The following DNAH14 variants were observed in gnomAD, a reference collection of about 807,000 sequenced individuals.
DNAH14 encodes the protein axonemal beta dynein heavy chain 14.
Under a neutral mutation model 520.9 loss-of-function variants are expected in DNAH14, and 478 were observed. That is an observed-to-expected ratio of 0.92 (90% CI 0.85 to 0.99). The LOEUF (loss-of-function observed/expected upper bound fraction) is 0.99, where lower values mean the gene tolerates loss of function less well. Ranked by LOEUF, DNAH14 falls within the 50% of genes least tolerant of loss-of-function variation. DNAH14 has a pLI of 0.00. For synonymous variants in DNAH14, 1,581 were observed against 1,757.2 expected (o/e 0.90, Z 2.51); for missense variants, 4,831 against 5,234.5 (o/e 0.92, Z 2.38).
chr1:225,234,107 A>T (rs1218645335), intron 42 of DNAH14, among the ~76,000 whole-genome samples: 1 of 151,916 alleles, frequency 6.6e-6, no homozygotes, highest in South Asian at 2.1e-4. Flanking sequence ...TAGATGTACA[A>T]TCTTATTTCT....
chr1:225,013,195 T>A (rs1435031113), intron 10 of DNAH14, among the ~76,000 whole-genome samples: 5 of 152,124 alleles, frequency 3.3e-5, no homozygotes, highest in Non-Finnish European at 7.4e-5. Context: ...GCTTTCTGTT[T>A]GTTAGTTTTG....
intron 36 of DNAH14, among the ~76,000 whole-genome samples, chr1:225,175,970 G>C (rs190633436): frequency 1.3e-5 from 2 of 152,090 alleles, no homozygotes; most frequent in East Asian, 3.9e-4. Flanking sequence ...TGCCCAGACT[G>C]GTCTTGAACT....
At chr1:225,159,098 T>C (rs1011395740) in intron 34 of DNAH14, among the ~76,000 whole-genome samples, 5 of 152,214 alleles carry the variant, frequency 3.3e-5, no homozygotes, top group African/African-American at 9.6e-5. Context: ...GTCTGGGGAT[T>C]GGTGTTGCTC....
intron 17 of DNAH14, among the ~76,000 whole-genome samples, chr1:225,056,074 C>T (rs35417524): frequency 0.14 from 21,826 of 151,724 alleles, 2,677 homozygotes; most frequent in East Asian, 0.54. Context: ...CTGGGTCAAA[C>T]GGTATTTCTA....
intron 23 of DNAH14, among the ~76,000 whole-genome samples, chr1:225,109,681 T>C (rs889534675): frequency 6.6e-6 from 1 of 152,154 alleles, no homozygotes; most frequent in Non-Finnish European, 1.5e-5. Context: ...CTTTTCCAAC[T>C]TGGATGCCCT....
intron 43 of DNAH14, among the ~76,000 whole-genome samples, chr1:225,243,472 AC>A (rs918162179): frequency 1.2e-4 from 18 of 152,108 alleles, no homozygotes. Context: ...AAGGAAATAT[AC>A]CACCAAAATG....
chr1:225,176,144 G>A (rs551025527), intron 36 of DNAH14, among the ~76,000 whole-genome samples: 1 of 152,112 alleles, frequency 6.6e-6, no homozygotes, highest in South Asian at 2.1e-4. Flanking sequence ...TAGGTATGTG[G>A]TGTTTCCATT....
Position 224,967,466 on chromosome 1 carries a change from C to T in DNAH14, c.534C>T (p.Cys178=). ...PLEDDGEFVY[C]LPRKSPKSLY... ...AAGATGATGGAGAATTTGTTTATTG[C>T]CTTCCTCGGAAAAGTCCTAAATCCC... The change falls in exon 6 of 86, where the codon TGC becomes TGT. Residue 178 remains cysteine, a synonymous_variant. Coordinates refer to ENST00000682510, the MANE Select transcript of DNAH14 (RefSeq NM_001367479.1). The T allele has an allele frequency of 1.3e-6, 2 of 1,571,790 alleles. No homozygotes were observed. The highest frequency in any genetic ancestry group is 8.6e-7 in the Non-Finnish European group (1 of 1,163,266).
At chr1:225,116,710 CA>C (rs1405316962) in intron 23 of DNAH14, among the ~76,000 whole-genome samples, 1 of 152,028 alleles carries the variant, frequency 6.6e-6, no homozygotes, top group African/African-American at 2.4e-5. Flanking sequence ...TGTATGGGTC[CA>C]AGAGGGACTT....
At chr1:224,969,018 C>A (rs1572129473) in intron 7 of DNAH14, 144 bp downstream of exon 7, 1 of 528,462 alleles carries the variant, frequency 1.9e-6, no homozygotes, top group Non-Finnish European at 3.3e-6. Flanking sequence ...TACGGAACAC[C>A]CCATTTCCTC....
intron 21 of DNAH14, among the ~76,000 whole-genome samples, chr1:225,086,122 A>T (rs1241838554): frequency 6.6e-6 from 1 of 150,636 alleles, no homozygotes; most frequent in Non-Finnish European, 1.5e-5. Context: ...TACACCTAAT[A>T]ATAATAATAA....
At chr1:225,004,378 A>G (rs779520808) in intron 9 of DNAH14, among the ~76,000 whole-genome samples, 1 of 152,186 alleles carries the variant, frequency 6.6e-6, no homozygotes, top group Non-Finnish European at 1.5e-5. Context: ...GGAGGCAGAG[A>G]TTAGCCTTAT....
chr1:225,398,589 G>C lies in DNAH14; in HGVS notation c.13561G>C (p.Glu4521Gln). Residue 4521 changes from glutamate to glutamine, a missense_variant, in exon 85 of 86, where the codon GAA (glutamate) becomes CAA (glutamine). Glu to Gln is a conservative substitution (Grantham distance 29, BLOSUM62 2). Coordinates refer to ENST00000682510, the MANE Select transcript of DNAH14 (RefSeq NM_001367479.1). ...CATCGAGGGGGCAAGATGGAATCGT[G>C]AACAGAAAATACTGGAAGACTCGCT... ...LFIEGARWNR[E>Q]QKILEDSLPL... The C allele has an allele frequency of 1.9e-6, 3 of 1,551,702 alleles. No individual in the cohort carries two copies. The highest frequency in any genetic ancestry group is 2.6e-6 in the Non-Finnish European group (3 of 1,146,986).
chr1:225,201,017 A>G (rs2086755253), intron 38 of DNAH14, among the ~76,000 whole-genome samples: 1 of 151,876 alleles, frequency 6.6e-6, no homozygotes, highest in African/African-American at 2.4e-5. Context: ...GTCATTTAAC[A>G]TAATCCCAGA....
Position 225,252,349 on chromosome 1 carries a change from A to G in DNAH14, c.6797A>G (p.Asp2266Gly). 1 of 1,550,162 alleles carries G rather than the reference A, an allele frequency of 6.5e-7. No individual in the cohort carries two copies. Among genetic ancestry groups the G allele is most frequent in the Non-Finnish European group, 8.7e-7 (1 of 1,146,104 alleles). Residue 2266 changes from aspartate (D) to glycine (G), a missense_variant, in exon 44 of 86, where the codon GAT (aspartate) becomes GGT (glycine). Coordinates refer to ENST00000682510, the MANE Select transcript of DNAH14 (RefSeq NM_001367479.1). ...GECSIFGYFV[D>G]IEQCEFIPWS... ...TGTTCCATCTTTGGATATTTTGTGG[A>G]TATAGAGCAATGTGAATTCATACCT...
intron 55 of DNAH14, among the ~76,000 whole-genome samples, chr1:225,291,899 G>T (rs556623768): frequency 3.9e-5 from 6 of 152,058 alleles, no homozygotes; most frequent in Middle Eastern, 3.4e-3. Context: ...CACATCATTT[G>T]CCCATTTTTT....
chr1:225,101,323 A>G (rs1428598188), intron 23 of DNAH14, among the ~76,000 whole-genome samples: 2 of 152,148 alleles, frequency 1.3e-5, no homozygotes, highest in Non-Finnish European at 2.9e-5. Context: ...AGGTAAACGT[A>G]TCCGTAGCCT....
chr1:225,061,989 TAAATA>T (rs1038496497), intron 17 of DNAH14, among the ~76,000 whole-genome samples: 9 of 152,196 alleles, frequency 5.9e-5, no homozygotes, highest in Admixed American at 3.3e-4. Flanking sequence ...CATAAACAAC[TAAATA>T]AAATAAAGGA....
At chr1:225,327,939 A>G (rs2094713239) in intron 64 of DNAH14, among the ~76,000 whole-genome samples, 1 of 152,176 alleles carries the variant, frequency 6.6e-6, no homozygotes, top group African/African-American at 2.4e-5. Context: ...AAAAGAATGA[A>G]TAAAGCCTTC....
Sources: allele counts gnomAD v4.1 joint callset (sites outside exome capture counted in the v4.1 genomes callset), GRCh38; gene constraint gnomAD v4.1.1; transcripts MANE v1.5; gene names NCBI Gene and HGNC (gene_info 2026-07-23, HGNC 2026-07-21).